The following ZNF398 variants were observed in gnomAD, a reference collection of about 807,000 sequenced individuals.
ZNF398 encodes zinc finger protein 398.
Under a neutral mutation model 41.9 loss-of-function variants are expected in ZNF398, and 18 were observed. The ratio of observed to expected loss-of-function variants is 0.43; its 90% CI spans 0.30 to 0.64. The LOEUF (loss-of-function observed/expected upper bound fraction) is 0.64, where lower values mean the gene tolerates loss of function less well. Ranked by LOEUF, ZNF398 falls within the 30% of genes least tolerant of loss-of-function variation. ZNF398 has a pLI of 0.14. For synonymous variants in ZNF398, 260 were observed against 308.8 expected (o/e 0.84, Z 1.66); for missense variants, 669 against 822.8 (o/e 0.81, Z 2.29).
chr7:149,166,817 A>C lies in ZNF398; in HGVS notation c.548A>C (p.Asp183Ala). 1 of 1,603,862 alleles carries C rather than the reference A, an allele frequency of 6.2e-7. No homozygotes were observed. The highest frequency in any genetic ancestry group is 1.3e-5 in the African/African-American group (1 of 74,776). ...TCTCTCTTCCTTTTTCCTCTCCTAG[A>C]TTATGCTATAAATCAACCTGATGTC... ...KGNYESLISMDYAINQPDVLS... is the reference protein window; with the variant it reads ...KGNYESLISMAYAINQPDVLS... The change falls in exon 4 of 6, where the codon GAT (aspartate) becomes GCT (alanine). Residue 183 changes from aspartate (D) to alanine (A), a missense_variant and splice_region_variant. Coordinates refer to ENST00000475153, the MANE Select transcript of ZNF398 (RefSeq NM_170686.3).
chr7:149,142,547 G>A (rs1336254800), upstream of ZNF398, among the ~76,000 whole-genome samples: 1 of 152,128 alleles, frequency 6.6e-6, no homozygotes, highest in African/African-American at 2.4e-5. Flanking sequence ...GGCACCTGTA[G>A]TCCCAGCTAC....
At chr7:149,141,456 C>CTTT (rs60019784) in intron 2 of ZNF398, among the ~76,000 whole-genome samples, 3 of 128,234 alleles carry the variant, frequency 2.3e-5, no homozygotes, top group Non-Finnish European at 4.7e-5. Context: ...TCTTTTTTTT[C>CTTT]TTTTTTTTTT....
At chr7:149,162,272 C>T (rs1405909923) in intron 2 of ZNF398, among the ~76,000 whole-genome samples, 1 of 152,026 alleles carries the variant, frequency 6.6e-6, no homozygotes, top group African/African-American at 2.4e-5. Flanking sequence ...ACCTTCGCCT[C>T]CTGGGTTCAC....
At position 149,181,142 on chromosome 7, in the gene ZNF398, G is replaced by A. The variant is rs1025506921; in HGVS notation, c.*1341G>A. The A allele has an allele frequency of 1.3e-5, 2 of 152,514 alleles. No individual in the cohort carries two copies. Among genetic ancestry groups the A allele is most frequent in the African/African-American group, 4.8e-5 (2 of 41,422 alleles). The allele number at this position is 152,514 out of a possible 1,614,324, so 9.4% of individuals were successfully genotyped here. A position where few individuals can be genotyped will look rare whatever the true frequency, so the allele number is the denominator to read the frequency against. On this transcript the variant is annotated 3_prime_UTR_variant, in exon 6 of 6. Coordinates refer to ENST00000475153, the MANE Select transcript of ZNF398 (RefSeq NM_170686.3). ...TCTCAAATTTTCATCTGCACAATGAGGCTGTTGAAAGGAAAAAAAGTGAGC... is the reference window on the plus strand; with the variant it reads ...TCTCAAATTTTCATCTGCACAATGAAGCTGTTGAAAGGAAAAAAAGTGAGC...
At chr7:149,170,783 A>G (rs941545670) in intron 4 of ZNF398, among the ~76,000 whole-genome samples, 3 of 152,118 alleles carry the variant, frequency 2.0e-5, no homozygotes, top group South Asian at 2.1e-4. Flanking sequence ...CTTGCCATGA[A>G]TGGAGCTTGC....
At position 149,180,611 on chromosome 7, in the gene ZNF398, A is replaced by C. The variant is rs1177883787; in HGVS notation, c.*810A>C. 6.6e-6 allele frequency: 1 copy of C among 152,254 alleles called. No homozygotes were observed. The highest frequency in any genetic ancestry group is 2.4e-5 in the African/African-American group (1 of 41,476). The allele number at this position is 152,254 out of a possible 1,614,324, so 9.4% of individuals were successfully genotyped here. The stretch of plus-strand genomic sequence containing the variant: ...CCCAGCTTTAAAAGCTAGAGATCTC[A>C]GAGAAATAGCTGGCTTAACAATGAC... On this transcript the variant is annotated 3_prime_UTR_variant, in exon 6 of 6. Coordinates refer to ENST00000475153, the MANE Select transcript of ZNF398 (RefSeq NM_170686.3).
At position 149,147,697 on chromosome 7, in the gene ZNF398, G is replaced by A. The variant is rs112201471; in HGVS notation, c.-46G>A. ...TGGAGCCGGGCGCGGTGGCAGCGGC[G>A]GCAGCGGCGGCGACTTCCGAGGCCC... On this transcript the variant is annotated 5_prime_UTR_variant, in exon 1 of 6. Coordinates refer to ENST00000475153, the MANE Select transcript of ZNF398 (RefSeq NM_170686.3). The surrounding 1 kb of genome is among the most constrained non-coding windows in gnomAD (Gnocchi z 5.6). 1.6e-6 allele frequency: 2 copies of A among 1,280,904 alleles called. No homozygotes were observed. Among genetic ancestry groups the A allele is most frequent in the Non-Finnish European group, 9.8e-7 (1 of 1,016,898 alleles). 79.3% of individuals were successfully genotyped at this position (1,280,904 alleles called of 1,614,324 possible). A position where few individuals can be genotyped will look rare whatever the true frequency, so the allele number is the denominator to read the frequency against.
chr7:149,176,060 CG>C, intron 4 of ZNF398, among the ~76,000 whole-genome samples: 1 of 152,030 alleles, frequency 6.6e-6, no homozygotes, highest in East Asian at 1.9e-4. Flanking sequence ...GGGCCGGGCG[CG>C]GTGGCTCAAG....
chr7:149,167,634 CTT>C (rs1163487497), intron 4 of ZNF398, among the ~76,000 whole-genome samples: 3 of 133,950 alleles, frequency 2.2e-5, no homozygotes, highest in Non-Finnish European at 3.2e-5. Flanking sequence ...TTTTTCTTTT[CTT>C]TTTTTTTTTT....
At chr7:149,164,980 G>C (rs1290433104) in intron 2 of ZNF398, among the ~76,000 whole-genome samples, 3 of 151,884 alleles carry the variant, frequency 2.0e-5, no homozygotes, top group Non-Finnish European at 4.4e-5. Flanking sequence ...CGTAATCCTG[G>C]CTACTTGGGA....
intron 1 of ZNF398, among the ~76,000 whole-genome samples, chr7:149,127,312 A>G (rs1043728711): frequency 3.3e-5 from 5 of 151,524 alleles, no homozygotes; most frequent in African/African-American, 1.2e-4. Flanking sequence ...TAGTCCCTGC[A>G]TAGGCTGAGG....
intron 1 of ZNF398, among the ~76,000 whole-genome samples, chr7:149,127,032 C>T (rs1826495449): frequency 1.3e-5 from 2 of 152,228 alleles, no homozygotes; most frequent in Admixed American, 6.5e-5. Context: ...CCGGGCACCC[C>T]TAGCCCCCGG....
chr7:149,180,833 T>C lies in ZNF398; in HGVS notation c.*1032T>C, dbSNP rs1795572634. On this transcript the variant is annotated 3_prime_UTR_variant, in exon 6 of 6. Coordinates refer to ENST00000475153, the MANE Select transcript of ZNF398 (RefSeq NM_170686.3). ...CCAGTGAACTCTTGGTCCTCAGTAG[T>C]GAGATGATAACAGTGTTATAATGCA... The C allele has an allele frequency of 6.6e-6, 1 of 152,128 alleles. No individual in the cohort carries two copies. The highest frequency in any genetic ancestry group is 2.4e-5 in the African/African-American group (1 of 41,426). The allele number at this position is 152,128 out of a possible 1,614,324, so 9.4% of individuals were successfully genotyped here. A position where few individuals can be genotyped will look rare whatever the true frequency, so the allele number is the denominator to read the frequency against.
intron 1 of ZNF398, among the ~76,000 whole-genome samples, chr7:149,153,510 A>C (rs530354842): frequency 2.0e-4 from 31 of 152,256 alleles, no homozygotes; most frequent in African/African-American, 7.5e-4. Flanking sequence ...TTCAGCCATT[A>C]CTGAATGGTG....
intron 2 of ZNF398, among the ~76,000 whole-genome samples, chr7:149,160,197 G>A (rs1358391662): frequency 6.6e-6 from 1 of 152,080 alleles, no homozygotes; most frequent in Non-Finnish European, 1.5e-5. Context: ...CCAGCACTTT[G>A]GGAGGCCAAG....
chr7:149,133,808 A>G (rs1048086472), intron 2 of ZNF398, among the ~76,000 whole-genome samples: 3 of 148,986 alleles, frequency 2.0e-5, no homozygotes, highest in African/African-American at 7.4e-5. Flanking sequence ...CTGGAGTACA[A>G]TGGTATGATC....
intron 1 of ZNF398, among the ~76,000 whole-genome samples, chr7:149,151,780 T>C (rs1214064605): frequency 2.7e-5 from 4 of 147,724 alleles, no homozygotes; most frequent in Admixed American, 6.8e-5. Context: ...AAAATTTCTT[T>C]CTTTTTTTTT....
At chr7:149,170,068 T>TG (rs1372881691) in intron 4 of ZNF398, among the ~76,000 whole-genome samples, 2 of 152,140 alleles carry the variant, frequency 1.3e-5, no homozygotes, top group Non-Finnish European at 2.9e-5. Context: ...AGGTTTTTAT[T>TG]GGGGGCTAAT....
chr7:149,147,529 C>T lies in ZNF398; in HGVS notation c.-214C>T, dbSNP rs1826979671. The T allele has an allele frequency of 2.6e-6, 1 of 381,068 alleles. No individual in the cohort carries two copies. Among genetic ancestry groups the T allele is most frequent in the Non-Finnish European group, 4.3e-6 (1 of 231,640 alleles). The allele number at this position is 381,068 out of a possible 1,614,324, so 23.6% of individuals were successfully genotyped here. A position where few individuals can be genotyped will look rare whatever the true frequency, so the allele number is the denominator to read the frequency against. ...GGCGGAGTCGGCCTCGCGACCCCAG[C>T]TTGATCCGCCGCCTGCTGCACCGCG... On this transcript the variant is annotated 5_prime_UTR_variant, in exon 1 of 6. Transcript: ENST00000475153. This position sits in a 1 kb window ranked among gnomAD's most constrained non-coding sequence, Gnocchi z 5.6.
Sources: allele counts gnomAD v4.1 joint callset (sites outside exome capture counted in the v4.1 genomes callset), GRCh38; gene constraint gnomAD v4.1.1; non-coding constraint Gnocchi (gnomAD v3.1); transcripts MANE v1.5; gene names NCBI Gene and HGNC (gene_info 2026-07-23, HGNC 2026-07-21).